Variants in RYR3 observed in about 807,000 individuals in gnomAD.
RYR3 encodes brain ryanodine receptor-calcium release channel.
Under a neutral mutation model 584.3 loss-of-function variants are expected in RYR3, and 207 were observed. The observed-to-expected ratio is 0.35, with a 90% CI of 0.32 to 0.40. The LOEUF (loss-of-function observed/expected upper bound fraction) is 0.40, where lower values mean the gene tolerates loss of function less well. RYR3 is among the 10% of genes least tolerant of loss of function. The probability of loss-of-function intolerance (pLI) is 1.00; values close to 1 mark genes in which losing one functional copy is unlikely to be tolerated. For synonymous variants in RYR3, 2,416 were observed against 2,248.5 expected (o/e 1.07, Z -2.11); for missense variants, 5,616 against 6,089.2 (o/e 0.92, Z 2.59).
chr15:33,364,258 G>C (rs1975167929), intron 1 of RYR3, among the ~76,000 whole-genome samples: 1 of 151,852 alleles, frequency 6.6e-6, no homozygotes, highest in Non-Finnish European at 1.5e-5. Flanking sequence ...GTTGGACCAG[G>C]CTGCACTAAA....
intron 65 of RYR3, among the ~76,000 whole-genome samples, chr15:33,781,057 A>G (rs949130990): frequency 1.3e-5 from 2 of 152,206 alleles, no homozygotes; most frequent in East Asian, 1.9e-4. Context: ...CGCGAGGCCT[A>G]AAATATTTAC....
At chr15:33,860,483 C>T (rs1887774030) in intron 100 of RYR3, 112 bp from the exon 101 acceptor site, 2 of 595,886 alleles carry the variant, frequency 3.4e-6, no homozygotes, top group Admixed American at 6.8e-5. Context: ...TCTAATTTTG[C>T]TTTGATAATT....
chr15:33,488,359 A>AC (rs762272018), intron 2 of RYR3, among the ~76,000 whole-genome samples: 1 of 151,390 alleles, frequency 6.6e-6, no homozygotes, highest in Non-Finnish European at 1.5e-5. Flanking sequence ...TGCTCTTTAG[A>AC]CCTAATAGCT....
intron 16 of RYR3, among the ~76,000 whole-genome samples, chr15:33,595,987 T>G (rs980041380): frequency 2.6e-5 from 4 of 151,922 alleles, no homozygotes; most frequent in Admixed American, 2.6e-4. Context: ...CCCTCCTTTT[T>G]AAAAAATCAG....
chr15:33,642,244 A>G (rs527593585), intron 27 of RYR3, among the ~76,000 whole-genome samples: 2 of 152,218 alleles, frequency 1.3e-5, no homozygotes, highest in Admixed American at 6.5e-5. Context: ...CTTCCCACTG[A>G]GGCTTTTACC....
rs34056362 is a variant in RYR3, at chr15:33,769,466, G to A, written c.8816+294G>A. ...ATGTGGCAAACCCCACTGGTGGGTG[G>A]TGAATCTACAAATGTTATGGGAAAG... On this transcript the variant is annotated intron_variant, in intron 62 of 103. Transcript: ENST00000634891. 0.38 allele frequency among the ~76,000 whole-genome samples: 57,680 copies of A among 152,082 alleles called. 12,871 individuals carry two copies. The highest frequency in any genetic ancestry group is 0.78 in the East Asian group (4,048 of 5,172).
chr15:33,699,907 T>C (rs1477904437), intron 41 of RYR3, 74 bp downstream of exon 41: 2 of 1,503,810 alleles, frequency 1.3e-6, no homozygotes, highest in East Asian at 4.6e-5. Context: ...CTTAGGAAAA[T>C]ACAGGGAAAG....
rs1487780532 is a variant in RYR3, at chr15:33,662,170, A to C, written c.4640A>C (p.Glu1547Ala). 10 of 1,598,736 alleles carry C rather than the reference A, an allele frequency of 6.3e-6. No individual in the cohort carries two copies. The highest frequency in any genetic ancestry group is 1.1e-5 in the South Asian group (1 of 87,780). The change falls in exon 35 of 104, where the codon GAG (glutamate) becomes GCG (alanine). Residue 1547 changes from glutamate (E) to alanine (A), a missense_variant. Glu to Ala is a moderately radical substitution (Grantham distance 107, BLOSUM62 -1). Around this residue, in one of 9 missense-constraint regions of RYR3, gnomAD observed 753 missense variants for 741.0 expected, o/e 1.02. Transcript: ENST00000634891. ...GTCCTCAGGTGTGTGGATATCCTGG[A>C]GCTCTGTGAGCAGGAGGACCTGATG... is the stretch of plus-strand genomic sequence containing the variant. ...PEENRCVDIL[E>A]LCEQEDLMRF...
chr15:33,436,660 C>T (rs61561548), intron 1 of RYR3, among the ~76,000 whole-genome samples: 7,017 of 142,524 alleles, frequency 0.049, 259 homozygotes, highest in East Asian at 0.18. Flanking sequence ...GCCACCACGC[C>T]AGGCTAATTT....
At chr15:33,608,147 A>G (rs140564202) in intron 18 of RYR3, among the ~76,000 whole-genome samples, 25 of 152,354 alleles carry the variant, frequency 1.6e-4, no homozygotes, top group Admixed American at 5.9e-4. Context: ...AACTCTCTTT[A>G]TAGCATCCCT....
rs375242714 is a variant in RYR3 at position 33,543,730 on chromosome 15, G to A, written c.740+15G>A. On this transcript the variant is annotated intron_variant, in intron 8 of 103. Coordinates refer to ENST00000634891, the MANE Select transcript of RYR3 (RefSeq NM_001036.6). Reference sequence around the variant, plus strand: ...TCCCAGCACAGGTAAGTCAGTAGCTGCATTCTTCCACTAGCTGTTTCCAGT... The same window carrying A: ...TCCCAGCACAGGTAAGTCAGTAGCTACATTCTTCCACTAGCTGTTTCCAGT... The A allele has an allele frequency of 1.4e-5, 21 of 1,501,882 alleles. No homozygotes were observed. The African/African-American group carries it at 2.5e-4, about 18-fold the overall frequency. 93.0% of individuals were successfully genotyped at this position (1,501,882 alleles called of 1,614,324 possible). A position where few individuals can be genotyped will look rare whatever the true frequency, so the allele number is the denominator to read the frequency against.
chr15:33,348,323 T>TA (rs962185494), intron 1 of RYR3, among the ~76,000 whole-genome samples: 133 of 152,354 alleles, frequency 8.7e-4, no homozygotes, highest in African/African-American at 3.0e-3. Context: ...CCTGTAGTCT[T>TA]ACAGACTTCA....
chr15:33,314,872 C>T (rs924294249), intron 1 of RYR3, among the ~76,000 whole-genome samples: 3 of 152,094 alleles, frequency 2.0e-5, no homozygotes, highest in Admixed American at 6.5e-5. Flanking sequence ...CGAGATTGCG[C>T]CACTGGACTC....
chr15:33,505,640 C>T (rs557473178), intron 3 of RYR3, among the ~76,000 whole-genome samples: 656 of 152,196 alleles, frequency 4.3e-3, no homozygotes, highest in Non-Finnish European at 6.8e-3. Flanking sequence ...TACAGGCGCC[C>T]GCCACCATGC....
rs563204477 is a variant in RYR3 at position 33,406,679 on chromosome 15, T to G, written c.52-66740T>G. Among the ~76,000 whole-genome samples the G allele has an allele frequency of 2.6e-5, 4 of 152,292 alleles. No individual in the cohort carries two copies. The South Asian group carries it at 8.3e-4, about 32-fold the overall frequency. On this transcript the variant is annotated intron_variant, in intron 1 of 103. Transcript: ENST00000634891. ...GGCTGAAGCCTTGTGTTCTGTATGATCAGTTTGAACATAGCTGAAAGTTAA... is the reference window on the plus strand; with the variant it reads ...GGCTGAAGCCTTGTGTTCTGTATGAGCAGTTTGAACATAGCTGAAAGTTAA...
chr15:33,439,097 T>C (rs957155834), intron 1 of RYR3, among the ~76,000 whole-genome samples: 1 of 152,210 alleles, frequency 6.6e-6, no homozygotes, highest in African/African-American at 2.4e-5. Flanking sequence ...TTTTTTGTTA[T>C]TGCTAAATTT....
At chr15:33,583,923 A>C (rs1359970247) in intron 14 of RYR3, among the ~76,000 whole-genome samples, 1 of 152,052 alleles carries the variant, frequency 6.6e-6, no homozygotes, top group Non-Finnish European at 1.5e-5. Flanking sequence ...GTGGTGGTGC[A>C]TGCCTGTAAT....
chr15:33,404,611 A>G (rs1408726382), intron 1 of RYR3, among the ~76,000 whole-genome samples: 4 of 138,732 alleles, frequency 2.9e-5, no homozygotes, highest in African/African-American at 1.1e-4. Flanking sequence ...TTTACTTGTA[A>G]CTGTTGAAAA....
At chr15:33,730,113 A>AATTATTTG (rs1567043411) in intron 47 of RYR3, among the ~76,000 whole-genome samples, 1 of 151,170 alleles carries the variant, frequency 6.6e-6, no homozygotes, top group East Asian at 1.9e-4. Context: ...ATGAATAATT[A>AATTATTTG]TGAATAATTA....
Sources: gnomAD v4.1 joint callset for allele counts (sites outside exome capture counted in the v4.1 genomes callset) on GRCh38, gnomAD v4.1.1 for gene constraint, gnomAD v4.1.1 regional missense constraint, MANE v1.5 for transcripts, NCBI Gene and HGNC (gene_info 2026-07-23, HGNC 2026-07-21) for gene names.